The following MBD5 variants were observed in gnomAD, a reference collection of about 807,000 sequenced individuals.
MBD5 encodes the protein methyl-CpG-binding domain protein 5.
In MBD5, 13 loss-of-function variants were observed where a neutral mutation model predicts 117.3. The observed-to-expected ratio is 0.11, with a 90% confidence interval of 0.07 to 0.18. The LOEUF (loss-of-function observed/expected upper bound fraction) is 0.18, where lower values mean the gene tolerates loss of function less well. MBD5 is among the 10% of genes least tolerant of loss of function. The pLI is 1.00. For missense variants in MBD5, 1,879 were observed against 2,093.8 expected (o/e 0.90, Z 2.00); for synonymous variants, 727 against 766.4 (o/e 0.95, Z 0.85).
At chr2:148,460,962 C>G (rs1198699531) in intron 5 of MBD5, among the ~76,000 whole-genome samples, 1 of 152,132 alleles carries the variant, frequency 6.6e-6, no homozygotes, top group East Asian at 1.9e-4. Flanking sequence ...GAGACAAAGT[C>G]TCACTCCGTC....
chr2:148,026,300 G>A (rs1324028970), intron 1 of MBD5: 1 of 152,120 alleles, frequency 6.6e-6, no homozygotes, highest in Non-Finnish European at 1.5e-5. Context: ...ACTGGTAAGC[G>A]ATGGTAAAAT....
chr2:148,143,249 C>T (rs946956353), intron 1 of MBD5, among the ~76,000 whole-genome samples: 1 of 152,146 alleles, frequency 6.6e-6, no homozygotes, highest in East Asian at 1.9e-4. Context: ...TGCTTAAAGT[C>T]GCAATTTCCA....
chr2:148,480,669 G>A (rs901161201), intron 8 of MBD5, among the ~76,000 whole-genome samples: 1 of 152,078 alleles, frequency 6.6e-6, no homozygotes, highest in African/African-American at 2.4e-5. Flanking sequence ...CAAGATTTAA[G>A]AAGCAGTTAA....
chr2:148,488,569 A>T (rs530210251), intron 10 of MBD5, among the ~76,000 whole-genome samples: 3 of 150,208 alleles, frequency 2.0e-5, no homozygotes, highest in Admixed American at 1.3e-4. Context: ...GGAAGGATGT[A>T]AAGAAAGAGA....
chr2:148,106,880 T>C (rs1298305086), intron 1 of MBD5, among the ~76,000 whole-genome samples: 1 of 152,064 alleles, frequency 6.6e-6, no homozygotes, highest in Non-Finnish European at 1.5e-5. Flanking sequence ...TTTAACAATG[T>C]AATAAATAAT....
chr2:148,218,609 C>G (rs570087230), intron 2 of MBD5, among the ~76,000 whole-genome samples: 2 of 152,096 alleles, frequency 1.3e-5, no homozygotes, highest in African/African-American at 2.4e-5. Flanking sequence ...ATAGAGTGTA[C>G]CTACAGAAAT....
In MBD5 at chr2:148,513,531, A is replaced by C. The variant is rs1682277294; in HGVS notation, c.*590A>C. On this transcript the variant is annotated 3_prime_UTR_variant, in exon 14 of 14. Coordinates refer to ENST00000642680, the MANE Select transcript of MBD5 (RefSeq NM_001378120.1). ...AAAAGGCATGATGATGTAATATCTGAATTATGACATACACTGCACACCACT... is the reference window on the plus strand; with the variant it reads ...AAAAGGCATGATGATGTAATATCTGCATTATGACATACACTGCACACCACT... 1 of 157,444 alleles carries C rather than the reference A, an allele frequency of 6.4e-6. No homozygotes were observed. Among genetic ancestry groups the C allele is most frequent in the South Asian group, 1.9e-4 (1 of 5,288 alleles). 9.8% of individuals were successfully genotyped at this position (157,444 alleles called of 1,614,324 possible).
chr2:148,229,028 C>A (rs1239311185), intron 2 of MBD5, among the ~76,000 whole-genome samples: 1 of 152,014 alleles, frequency 6.6e-6, no homozygotes, highest in Non-Finnish European at 1.5e-5. Context: ...TGCTAGTGGT[C>A]TATCAATTTT....
chr2:148,379,624 A>G (rs1309471467), intron 4 of MBD5, among the ~76,000 whole-genome samples: 1 of 152,156 alleles, frequency 6.6e-6, no homozygotes, highest in South Asian at 2.1e-4. Context: ...AATAAAATCT[A>G]TATAAAACAC....
At chr2:148,283,066 CCT>C (rs1358353552) in intron 3 of MBD5, among the ~76,000 whole-genome samples, 1 of 152,052 alleles carries the variant, frequency 6.6e-6, no homozygotes, top group East Asian at 1.9e-4. Context: ...AGTCACCTCA[CCT>C]TACTGGATGT....
intron 3 of MBD5, among the ~76,000 whole-genome samples, chr2:148,322,908 C>G (rs10175900): frequency 6.7e-6 from 1 of 149,680 alleles, no homozygotes; most frequent in Non-Finnish European, 1.5e-5. Context: ...GGTTAGTTAC[C>G]TATGTATACA....
At chr2:148,492,622 G>T (rs1681564621) in intron 11 of MBD5, among the ~76,000 whole-genome samples, 2 of 151,956 alleles carry the variant, frequency 1.3e-5, no homozygotes, top group African/African-American at 4.8e-5. Context: ...CCACACTTTT[G>T]CACATAAGTA....
chr2:148,288,899 G>A (rs1181572462), intron 3 of MBD5, among the ~76,000 whole-genome samples: 1 of 152,164 alleles, frequency 6.6e-6, no homozygotes, highest in Non-Finnish European at 1.5e-5. Flanking sequence ...TATTTAGTAA[G>A]TTCTGTAATT....
intron 1 of MBD5, among the ~76,000 whole-genome samples, chr2:148,087,580 G>A (rs532622147): frequency 1.5e-4 from 23 of 152,260 alleles, no homozygotes; most frequent in African/African-American, 5.3e-4. Flanking sequence ...CCAGAGTCTG[G>A]TAGCCCCATT....
chr2:148,291,043 T>C (rs1176465418), intron 3 of MBD5, among the ~76,000 whole-genome samples: 3 of 152,252 alleles, frequency 2.0e-5, no homozygotes, highest in Non-Finnish European at 2.9e-5. Context: ...GTCATGTCTA[T>C]TCCATTGATC....
At chr2:148,120,217 T>A (rs1429587249) in intron 1 of MBD5, among the ~76,000 whole-genome samples, 1 of 152,172 alleles carries the variant, frequency 6.6e-6, no homozygotes, top group Non-Finnish European at 1.5e-5. Context: ...GTGTATACAT[T>A]TTGAATTGTA....
At chr2:148,022,270 G>A (rs1231940558) in intron 1 of MBD5, among the ~76,000 whole-genome samples, 1 of 152,048 alleles carries the variant, frequency 6.6e-6, no homozygotes, top group East Asian at 1.9e-4. Context: ...CGTTTTGTCT[G>A]ACTTCCATGG....
At chr2:148,090,500 A>G (rs148981123) in intron 1 of MBD5, among the ~76,000 whole-genome samples, 206 of 152,274 alleles carry the variant, frequency 1.4e-3, no homozygotes, top group African/African-American at 4.4e-3. Context: ...ACCATGATAA[A>G]GTGGGGTTTC....
chr2:148,188,237 G>A (rs953523711), intron 2 of MBD5, among the ~76,000 whole-genome samples: 1 of 152,142 alleles, frequency 6.6e-6, no homozygotes, highest in African/African-American at 2.4e-5. Flanking sequence ...TTCAGATATT[G>A]TGTCTTAAGC....
Sources: gnomAD v4.1 joint callset for allele counts (sites outside exome capture counted in the v4.1 genomes callset) on GRCh38, gnomAD v4.1.1 for gene constraint, MANE v1.5 for transcripts, NCBI Gene and HGNC (gene_info 2026-07-23, HGNC 2026-07-21) for gene names.